Variants in SYNPO2 observed in about 807,000 individuals in gnomAD.
The protein encoded by SYNPO2 is synaptopodin 2, also known as synaptopodin-2.
Under a neutral mutation model 85.0 loss-of-function variants are expected in SYNPO2, and 56 were observed. The ratio of observed to expected loss-of-function variants is 0.66; its 90% CI spans 0.53 to 0.82. SYNPO2 has a LOEUF of 0.82. Ranked by LOEUF, SYNPO2 falls within the 40% of genes least tolerant of loss-of-function variation. The probability of loss-of-function intolerance (pLI) is 0.00; values close to 1 mark genes in which losing one functional copy is unlikely to be tolerated. For synonymous variants in SYNPO2, 602 were observed against 591.1 expected (o/e 1.02, Z -0.27); for missense variants, 1,575 against 1,534.2 (o/e 1.03, Z -0.44).
At chr4:118,879,169 A>G (rs1578513836) in intron 1 of SYNPO2, among the ~76,000 whole-genome samples, 2 of 152,284 alleles carry the variant, frequency 1.3e-5, no homozygotes, top group Middle Eastern at 6.8e-3. Flanking sequence ...TGAAGGAACA[A>G]ACTCTGCACA....
chr4:119,055,549 T>C (rs1157472361), intron 4 of SYNPO2, among the ~76,000 whole-genome samples: 1 of 152,258 alleles, frequency 6.6e-6, no homozygotes, highest in East Asian at 1.9e-4. Flanking sequence ...TTTATCATCT[T>C]TAAGTCTTCA....
chr4:118,955,286 C>T (rs1578582421), intron 1 of SYNPO2, among the ~76,000 whole-genome samples: 1 of 152,100 alleles, frequency 6.6e-6, no homozygotes, highest in Non-Finnish European at 1.5e-5. Flanking sequence ...AGGTGTGAGC[C>T]GGATTCAGAT....
intron 1 of SYNPO2, among the ~76,000 whole-genome samples, chr4:118,872,400 T>A (rs950921748): frequency 3.3e-5 from 5 of 152,214 alleles, no homozygotes; most frequent in Non-Finnish European, 5.9e-5. Flanking sequence ...CAAACTCCTA[T>A]GACAACAAAA....
chr4:118,910,971 G>A (rs536705135), intron 1 of SYNPO2, among the ~76,000 whole-genome samples: 90 of 152,232 alleles, frequency 5.9e-4, no homozygotes, highest in African/African-American at 2.1e-3. Flanking sequence ...TAATGATATA[G>A]TGTTAATTTA....
intron 4 of SYNPO2, among the ~76,000 whole-genome samples, chr4:119,050,147 C>A (rs1456874558): frequency 6.6e-6 from 1 of 152,040 alleles, no homozygotes; most frequent in African/African-American, 2.4e-5. Flanking sequence ...GCCTGGCCAA[C>A]ATGGCAAAAC....
Position 119,059,837 on chromosome 4 carries a change from A to G in SYNPO2, c.*1903A>G, listed in dbSNP as rs551548240. On this transcript the variant is annotated 3_prime_UTR_variant, in exon 5 of 5. Coordinates refer to ENST00000307142, the MANE Select transcript of SYNPO2 (RefSeq NM_133477.3). ...TCAGTGATGGAGAAAAGAAACGATA[A>G]ATACTTTCCAAGGTTATATTGTTAA... 26 of 152,242 alleles carry G rather than the reference A, an allele frequency of 1.7e-4. No homozygotes were observed. In the East Asian group the frequency reaches 5.0e-3, roughly 29 times the overall value. 9.4% of individuals were successfully genotyped at this position (152,242 alleles called of 1,614,324 possible).
At position 118,929,644 on chromosome 4, in the gene SYNPO2, A is replaced by ACAAATATTTTTTT. The variant is rs1733854399; in HGVS notation, c.105+40503_105+40504insCAAATATTTTTTT. Among the ~76,000 whole-genome samples, 6 of 152,078 alleles carry ACAAATATTTTTTT rather than the reference A, an allele frequency of 3.9e-5. No homozygotes were observed. In the South Asian group the frequency reaches 8.3e-4, roughly 21 times the overall value. On this transcript the variant is annotated intron_variant, in intron 1 of 4. Transcript: ENST00000307142. ...TCATTTTTTTTTGTTGTACAAATAG[A>ACAAATATTTTTTT]GTCGCTCAATTATCTCCCAAGGCTC...
intron 1 of SYNPO2, among the ~76,000 whole-genome samples, chr4:118,963,447 T>G (rs944091360): frequency 6.6e-6 from 1 of 152,246 alleles, no homozygotes; most frequent in Non-Finnish European, 1.5e-5. Context: ...AAGCTTATGA[T>G]GTTTAGACTT....
chr4:118,923,774 C>T (rs990336629), intron 1 of SYNPO2, among the ~76,000 whole-genome samples: 1 of 151,666 alleles, frequency 6.6e-6, no homozygotes, highest in East Asian at 1.9e-4. Flanking sequence ...TGGCTCTTAA[C>T]ATTCTGTAGC....
rs929058051 is a variant in SYNPO2 at position 119,058,030 on chromosome 4, T to G, written c.*96T>G. 4 of 1,381,592 alleles carry G rather than the reference T, an allele frequency of 2.9e-6. No individual in the cohort carries two copies. Among genetic ancestry groups the G allele is most frequent in the Non-Finnish European group, 3.9e-6 (4 of 1,027,688 alleles). 85.6% of individuals were successfully genotyped at this position (1,381,592 alleles called of 1,614,324 possible). On this transcript the variant is annotated 3_prime_UTR_variant, in exon 5 of 5. Transcript: ENST00000307142. ...TTTTCTAATAGATTTAGATTCACTT[T>G]TGGTCTTGGCTTGTTCTCATAAGTC...
At chr4:118,938,423 G>T (rs895507151) in intron 1 of SYNPO2, among the ~76,000 whole-genome samples, 3 of 151,846 alleles carry the variant, frequency 2.0e-5, no homozygotes, top group Non-Finnish European at 4.4e-5. Context: ...AAATATTTTT[G>T]ATCTTTGTTT....
At chr4:118,872,406 C>T (rs1009661517) in intron 1 of SYNPO2, among the ~76,000 whole-genome samples, 12 of 151,816 alleles carry the variant, frequency 7.9e-5, no homozygotes, top group Admixed American at 4.6e-4. Flanking sequence ...CCTATGACAA[C>T]AAAAAAAGTA....
chr4:119,037,068 T>A, intron 4 of SYNPO2: 5 of 1,517,082 alleles, frequency 3.3e-6, no homozygotes, highest in Non-Finnish European at 4.4e-6. Flanking sequence ...TCTGTTTATG[T>A]CATTCTTGAC....
intron 3 of SYNPO2, among the ~76,000 whole-genome samples, 157 bp downstream of exon 3, chr4:119,027,595 G>T (rs1298705115): frequency 6.6e-6 from 1 of 152,122 alleles, no homozygotes; most frequent in Non-Finnish European, 1.5e-5. Flanking sequence ...TGAAATTGTG[G>T]AGAATACCAA....
chr4:118,888,343 T>A (rs1732246115), upstream of SYNPO2, among the ~76,000 whole-genome samples: 1 of 152,228 alleles, frequency 6.6e-6, no homozygotes, highest in Non-Finnish European at 1.5e-5. Flanking sequence ...TTTTCAGAGC[T>A]GGAGGTTTAT....
chr4:118,920,658 TAAG>T (rs1733502799), intron 1 of SYNPO2, among the ~76,000 whole-genome samples: 4 of 152,182 alleles, frequency 2.6e-5, no homozygotes, highest in Non-Finnish European at 5.9e-5. Flanking sequence ...GAGTGTAATG[TAAG>T]AAATATGTAT....
chr4:119,007,671 A>G (rs1737133059), intron 1 of SYNPO2, among the ~76,000 whole-genome samples: 3 of 152,150 alleles, frequency 2.0e-5, no homozygotes, highest in Admixed American at 1.3e-4. Context: ...CTTGGTCTTC[A>G]TGTTTATGTC....
At chr4:118,872,741 A>G (rs1731826301) in intron 1 of SYNPO2, among the ~76,000 whole-genome samples, 1 of 152,114 alleles carries the variant, frequency 6.6e-6, no homozygotes, top group Non-Finnish European at 1.5e-5. Context: ...ATGAGATCCA[A>G]GAACTCTCTC....
chr4:119,003,136 G>A (rs1365688575), intron 1 of SYNPO2, among the ~76,000 whole-genome samples: 1 of 152,000 alleles, frequency 6.6e-6, no homozygotes, highest in Non-Finnish European at 1.5e-5. Context: ...CCCAAGACTG[G>A]GTAATTTATG....
Sources: allele counts gnomAD v4.1 joint callset (sites outside exome capture counted in the v4.1 genomes callset), GRCh38; gene constraint gnomAD v4.1.1; transcripts MANE v1.5; gene names NCBI Gene and HGNC (gene_info 2026-07-23, HGNC 2026-07-21).